The following TRIML1 variants were observed in gnomAD, a reference collection of about 807,000 sequenced individuals.
TRIML1 encodes the protein tripartite motif family like 1.
A neutral mutation model predicts 32.3 loss-of-function variants in TRIML1; 34 were observed. That is an observed-to-expected ratio of 1.05 (90% CI 0.80 to 1.40). The LOEUF (loss-of-function observed/expected upper bound fraction) is 1.40. TRIML1 is among the 40% of genes most tolerant of loss of function. The pLI is 0.00. For missense variants in TRIML1, 595 were observed against 574.9 expected, an observed-to-expected ratio of 1.03 and a Z score of -0.36; for synonymous variants, 244 against 226.6, an observed-to-expected ratio of 1.08 and a Z score of -0.69.
chr4:188,149,262 G>C (rs1156270171), downstream of TRIML1, among the ~76,000 whole-genome samples: 1 of 151,950 alleles, frequency 6.6e-6, no homozygotes, highest in Non-Finnish European at 1.5e-5. Flanking sequence ...TAGTACTGCA[G>C]AATGTCCCCG....
In TRIML1 at chr4:188,147,388, CCG is replaced by C; in HGVS notation, c.*17_*18del. 6.8e-7 allele frequency: 1 copy of C among 1,463,478 alleles called. No homozygotes were observed. Among genetic ancestry groups the C allele is most frequent in the Non-Finnish European group, 9.0e-7 (1 of 1,109,034 alleles). 90.7% of individuals were successfully genotyped at this position (1,463,478 alleles called of 1,614,324 possible). On this transcript the variant is annotated 3_prime_UTR_variant, in exon 6 of 6. Transcript: ENST00000332517. ...CCACGTCTGAGGGGCGTGCCCTGAGCCGTCACAGCGGGCGATGTCTGAGACCA... is the reference window on the plus strand; with the variant it reads ...CCACGTCTGAGGGGCGTGCCCTGAGCTCACAGCGGGCGATGTCTGAGACCA...
At chr4:188,146,715 C>T in intron 5 of TRIML1, 107 bp from the exon 6 acceptor site, 1 of 950,288 alleles carries the variant, frequency 1.1e-6, no homozygotes, top group Non-Finnish European at 1.4e-6. Context: ...CCCCAAATTA[C>T]ATTTAAAAAA....
At chr4:188,144,832 C>T (rs1735010696) in intron 5 of TRIML1, among the ~76,000 whole-genome samples, 9 of 152,086 alleles carry the variant, frequency 5.9e-5, no homozygotes, top group Admixed American at 5.9e-4. Flanking sequence ...AACGAACTGT[C>T]CTTGTAGAAT....
intron 5 of TRIML1, among the ~76,000 whole-genome samples, chr4:188,146,560 C>A (rs1196319424): frequency 2.0e-5 from 3 of 152,134 alleles, no homozygotes; most frequent in Non-Finnish European, 4.4e-5. Flanking sequence ...CAAGCACGTG[C>A]CACCATGCCT....
At chr4:188,146,166 C>A (rs1173257782) in intron 5 of TRIML1, among the ~76,000 whole-genome samples, 3 of 151,606 alleles carry the variant, frequency 2.0e-5, no homozygotes, top group Non-Finnish European at 2.9e-5. Flanking sequence ...ACTGAAGAAC[C>A]AGAACCTCCC....
rs1238182688 is a variant in TRIML1, at chr4:188,144,117, G to A, written c.840G>A (p.Met280Ile). 2 of 1,613,816 alleles carry A rather than the reference G, an allele frequency of 1.2e-6. No homozygotes were observed. The highest frequency in any genetic ancestry group is 3.3e-5 in the Admixed American group (2 of 59,970). The change falls in exon 5 of 6, where the codon ATG (methionine) becomes ATA (isoleucine). Residue 280 changes from methionine to isoleucine, a missense_variant. By Grantham distance (10) the Met-to-Ile change is conservative. Transcript: ENST00000332517. ...GCCGCATCACGGGAATGAAGGAGAT[G>A]CTAAGAAAATTCAGCAGTAAGTCAG... ...SLCRITGMKE[M>I]LRKFSTEITL... is the part of the protein sequence containing the mutation.
chr4:188,147,398 G>C lies in TRIML1; in HGVS notation c.*26G>C, dbSNP rs778615140. 2 of 1,455,420 alleles carry C rather than the reference G, an allele frequency of 1.4e-6. No individual in the cohort carries two copies. The highest frequency in any genetic ancestry group is 1.8e-6 in the Non-Finnish European group (2 of 1,105,982). The allele number at this position is 1,455,420 out of a possible 1,614,324, so 90.2% of individuals were successfully genotyped here. Reference sequence around the variant, plus strand: ...GGGGCGTGCCCTGAGCCGTCACAGCGGGCGATGTCTGAGACCAAGACACAA... The same window carrying C: ...GGGGCGTGCCCTGAGCCGTCACAGCCGGCGATGTCTGAGACCAAGACACAA... On this transcript the variant is annotated 3_prime_UTR_variant, in exon 6 of 6. Transcript: ENST00000332517.
intron 3 of TRIML1, chr4:188,143,062 T>C (rs909994164): frequency 8.6e-5 from 13 of 152,002 alleles, no homozygotes; most frequent in African/African-American, 3.2e-4. Flanking sequence ...CAGGACCTTT[T>C]TTTTTTTTTT....
At chr4:188,141,245 G>A (rs1364575851) in intron 2 of TRIML1, among the ~76,000 whole-genome samples, 1 of 142,192 alleles carries the variant, frequency 7.0e-6, no homozygotes, top group African/African-American at 2.7e-5. Context: ...CCGGCTCACT[G>A]CAACCTCCAC....
upstream of TRIML1, among the ~76,000 whole-genome samples, chr4:188,138,600 T>A (rs1339936157): frequency 6.6e-6 from 1 of 152,130 alleles, no homozygotes; most frequent in Admixed American, 6.6e-5. Flanking sequence ...ACACTAGGCA[T>A]TTACTTTTTC....
At chr4:188,149,168 C>T (rs1449227954), downstream of TRIML1, among the ~76,000 whole-genome samples, 1 of 152,006 alleles carries the variant, frequency 6.6e-6, no homozygotes, top group East Asian at 1.9e-4. Flanking sequence ...ATCCACCCGC[C>T]TCCACCTCCC....
chr4:188,142,370 T>A lies in TRIML1; in HGVS notation c.623T>A (p.Met208Lys). ...QLLEQEEKEN[M>K]RKLRNNEIKL... ...CTAGAACAGGAAGAGAAAGAGAACATGAGGAAGCTGAGGAACAATGAGATC... is the reference window on the plus strand; with the variant it reads ...CTAGAACAGGAAGAGAAAGAGAACAAGAGGAAGCTGAGGAACAATGAGATC... The change falls in exon 3 of 6, where the codon ATG (methionine) becomes AAG (lysine). Residue 208 changes from methionine to lysine, a missense_variant. Met to Lys is a moderately conservative substitution (Grantham distance 95, BLOSUM62 -1). Coordinates refer to ENST00000332517, the MANE Select transcript of TRIML1 (RefSeq NM_178556.5). The A allele has an allele frequency of 1.2e-6, 2 of 1,613,260 alleles. No homozygotes were observed.
At position 188,144,564 on chromosome 4, in the gene TRIML1, G is replaced by T. The variant is rs74447205; in HGVS notation, c.856+431G>T. On this transcript the variant is annotated intron_variant, in intron 5 of 5. Coordinates refer to ENST00000332517, the MANE Select transcript of TRIML1 (RefSeq NM_178556.5). ...TTTTTAGTACAGACGGGGTTTCACT[G>T]TGTTAGCCAGGATGGTCTCGATCTC... Among the ~76,000 whole-genome samples the T allele has an allele frequency of 5.6e-5, 8 of 142,346 alleles. 1 individual carries two copies. Among genetic ancestry groups the T allele is most frequent in the African/African-American group, 1.8e-4 (7 of 39,486 alleles). The allele number at this position is 142,346 out of a possible 152,430, so 93.4% of individuals were successfully genotyped here.
downstream of TRIML1, among the ~76,000 whole-genome samples, chr4:188,150,120 TA>T (rs1735212688): frequency 6.6e-6 from 1 of 151,128 alleles, no homozygotes; most frequent in African/African-American, 2.4e-5. Context: ...TATTTATTTT[TA>T]AAAATTATTA....
upstream of TRIML1, chr4:188,139,297 T>C (rs1380689774): frequency 1.1e-5 from 4 of 362,750 alleles, no homozygotes; most frequent in Non-Finnish European, 2.0e-5. Flanking sequence ...CTAGCATGTG[T>C]GCTTTTCACA....
At chr4:188,144,453 C>T (rs1272693129) in intron 5 of TRIML1, among the ~76,000 whole-genome samples, 2 of 148,824 alleles carry the variant, frequency 1.3e-5, no homozygotes, top group Non-Finnish European at 3.0e-5. Flanking sequence ...AGCTCCGCTT[C>T]CCGGGTTCAC....
At chr4:188,137,743 C>T (rs1448217468), upstream of TRIML1, among the ~76,000 whole-genome samples, 3 of 151,880 alleles carry the variant, frequency 2.0e-5, no homozygotes. Flanking sequence ...TCCCAAAGTG[C>T]TGGGATTACA....
chr4:188,140,058 G>C (rs1734795095), intron 1 of TRIML1, 92 bp downstream of exon 1: 1 of 1,351,718 alleles, frequency 7.4e-7, no homozygotes, highest in Admixed American at 2.3e-5. Flanking sequence ...GTGGGGGACA[G>C]TCACGAGGGC....
chr4:188,137,832 T>C (rs1438955882), upstream of TRIML1, among the ~76,000 whole-genome samples: 1 of 151,798 alleles, frequency 6.6e-6, no homozygotes, highest in African/African-American at 2.4e-5. Flanking sequence ...AGGCTGGTCT[T>C]AAACTCCTGA....
Sources: gnomAD v4.1 joint callset for allele counts (sites outside exome capture counted in the v4.1 genomes callset) on GRCh38, gnomAD v4.1.1 for gene constraint, MANE v1.5 for transcripts, NCBI Gene and HGNC (gene_info 2026-07-23, HGNC 2026-07-21) for gene names.